Variants in KLB observed in about 807,000 individuals in gnomAD.
The protein encoded by KLB is beta-klotho.
In KLB, 44 loss-of-function variants were observed where a neutral mutation model predicts 88.4. The observed-to-expected ratio is 0.50, with a 90% CI of 0.39 to 0.64. KLB has a LOEUF of 0.64. Ranked by LOEUF, KLB falls within the 30% of genes least tolerant of loss-of-function variation. The pLI is 0.00. For synonymous variants in KLB, 548 were observed against 513.4 expected (o/e 1.07, Z -0.91); for missense variants, 1,137 against 1,304.8 (o/e 0.87, Z 1.98).
rs1743739139 is a variant in KLB at position 39,446,106 on chromosome 4, A to C, written c.1606-226A>C. 1.3e-5 allele frequency among the ~76,000 whole-genome samples: 2 copies of C among 152,210 alleles called. No individual in the cohort carries two copies. Among genetic ancestry groups the C allele is most frequent in the Non-Finnish European group, 2.9e-5 (2 of 68,036 alleles). ...TAACCTAGGGTTTAAAGTTAAATGA[A>C]CTGGAAAATGGCTTCCCAATGTTTT... On this transcript the variant is annotated intron_variant, in intron 3 of 4. Transcript: ENST00000257408. The surrounding 1 kb of genome is among the most constrained non-coding windows in gnomAD (Gnocchi z 6.4).
At chr4:39,444,747 T>A (rs1038132522) in intron 3 of KLB, among the ~76,000 whole-genome samples, 1 of 152,204 alleles carries the variant, frequency 6.6e-6, no homozygotes, top group Non-Finnish European at 1.5e-5. Context: ...AAACTGGCCA[T>A]CTAGGCTAGG....
At position 39,446,586 on chromosome 4, in the gene KLB, G is replaced by A; in HGVS notation, c.1860G>A (p.Leu620=). Residue 620 remains leucine, a synonymous_variant, in exon 4 of 5, where the codon CTG becomes CTA. Coordinates refer to ENST00000257408, the MANE Select transcript of KLB (RefSeq NM_175737.4). The surrounding 1 kb of genome is among the most constrained non-coding windows in gnomAD (Gnocchi z 6.4). ...TGTCCGCGGTGAACCGACAGGCCCT[G>A]AGGTACTACAGGTGCGTGGTCAGTG... ...GNLSAVNRQA[L]RYYRCVVSEG... 7 of 1,614,258 alleles carry A rather than the reference G, an allele frequency of 4.3e-6. No homozygotes were observed. The highest frequency in any genetic ancestry group is 5.9e-6 in the Non-Finnish European group (7 of 1,180,044).
chr4:39,431,478 C>G (rs1345610737), intron 1 of KLB, among the ~76,000 whole-genome samples: 1 of 151,234 alleles, frequency 6.6e-6, no homozygotes, highest in Non-Finnish European at 1.5e-5. Context: ...CTGGAACTCC[C>G]GACCTCAGGT....
rs1743880767 is a variant in KLB at position 39,450,947 on chromosome 4, A to C, written c.*2261A>C. 1 of 151,830 alleles carries C rather than the reference A, an allele frequency of 6.6e-6. No individual in the cohort carries two copies. Among genetic ancestry groups the C allele is most frequent in the African/African-American group, 2.4e-5 (1 of 41,350 alleles). The allele number at this position is 151,830 out of a possible 1,614,324, so 9.4% of individuals were successfully genotyped here. On this transcript the variant is annotated 3_prime_UTR_variant, in exon 5 of 5. Coordinates refer to ENST00000257408, the MANE Select transcript of KLB (RefSeq NM_175737.4). ...TTGCTTTCTCTTTCTCACTTTGTTT[A>C]AAGTATCTCGTACTCACAGTTCACA...
chr4:39,416,535 C>G (rs1284412570), intron 1 of KLB, among the ~76,000 whole-genome samples: 1 of 152,098 alleles, frequency 6.6e-6, no homozygotes, highest in Non-Finnish European at 1.5e-5. Flanking sequence ...AATCCCAACA[C>G]TTTGGGAGGC....
Position 39,448,418 on chromosome 4 carries a change from A to G in KLB, c.2867A>G (p.Gln956Arg), listed in dbSNP as rs769084012. The part of the protein sequence containing the change: ...TSDFKAKSSI[Q>R]FYNKVISSRG... ...GATTTTAAAGCTAAATCCTCAATAC[A>G]ATTTTACAACAAAGTGATCAGCAGC... The change falls in exon 5 of 5, where the codon CAA (glutamine) becomes CGA (arginine). Residue 956 changes from glutamine (Q) to arginine (R), a missense_variant. By Grantham distance (43) the Gln-to-Arg change is conservative (BLOSUM62 1). Coordinates refer to ENST00000257408, the MANE Select transcript of KLB (RefSeq NM_175737.4). The G allele has an allele frequency of 1.2e-6, 2 of 1,614,176 alleles. No homozygotes were observed. The highest frequency in any genetic ancestry group is 1.7e-5 in the Admixed American group (1 of 60,026).
chr4:39,413,808 CTT>C (rs1363046899), intron 1 of KLB, among the ~76,000 whole-genome samples: 1 of 152,056 alleles, frequency 6.6e-6, no homozygotes, highest in Non-Finnish European at 1.5e-5. Flanking sequence ...CATTTCATGA[CTT>C]TAAAAATCTT....
intron 2 of KLB, among the ~76,000 whole-genome samples, 181 bp downstream of exon 2, chr4:39,434,901 G>A (rs1168495121): frequency 2.0e-5 from 3 of 151,912 alleles, no homozygotes; most frequent in Admixed American, 1.3e-4. Flanking sequence ...CCGCCTCCTG[G>A]GTTCAAGTGA....
chr4:39,440,157 C>G (rs1226583509), intron 3 of KLB, among the ~76,000 whole-genome samples: 1 of 148,732 alleles, frequency 6.7e-6, no homozygotes, highest in East Asian at 2.0e-4. Context: ...CTTTTCTTTT[C>G]TTTTTTGAGA....
intron 1 of KLB, among the ~76,000 whole-genome samples, chr4:39,428,201 C>T (rs549030265): frequency 1.5e-3 from 221 of 152,204 alleles, no homozygotes; most frequent in South Asian, 6.6e-3. Flanking sequence ...CCAAGGCAGG[C>T]GGATCACCTG....
chr4:39,425,992 C>G (rs546420598), intron 1 of KLB, among the ~76,000 whole-genome samples: 1 of 151,948 alleles, frequency 6.6e-6, no homozygotes, highest in Non-Finnish European at 1.5e-5. Flanking sequence ...TTGGCTCACA[C>G]CTGTAATCCC....
chr4:39,409,316 A>T (rs1742791027), intron 1 of KLB, among the ~76,000 whole-genome samples: 2 of 148,596 alleles, frequency 1.3e-5, no homozygotes, highest in Non-Finnish European at 1.5e-5. Flanking sequence ...TTTTTGAGAC[A>T]AAGTCTCACT....
rs546978508 is a variant in KLB at position 39,426,070 on chromosome 4, G to C, written c.826-8140G>C. 3.9e-5 allele frequency among the ~76,000 whole-genome samples: 6 copies of C among 152,180 alleles called. No individual in the cohort carries two copies. The East Asian group carries it at 7.7e-4, about 20-fold the overall frequency. ...GATTGAGACCATCCTGGCTAACATG[G>C]TGAAACACCATCTCTAATAAAAATA... is the stretch of plus-strand genomic sequence containing the variant. On this transcript the variant is annotated intron_variant, in intron 1 of 4. Transcript: ENST00000257408.
chr4:39,411,524 ATTTTTTT>A (rs796871369), intron 1 of KLB, among the ~76,000 whole-genome samples: 1 of 109,960 alleles, frequency 9.1e-6, no homozygotes, highest in Non-Finnish European at 2.0e-5. Flanking sequence ...TGGCTTGGCC[ATTTTTTT>A]TTTTTTAAGA....
intron 1 of KLB, among the ~76,000 whole-genome samples, chr4:39,428,542 AT>A (rs1204977206): frequency 6.6e-6 from 1 of 152,202 alleles, no homozygotes; most frequent in Non-Finnish European, 1.5e-5. Context: ...CTATTGAAAC[AT>A]TTATGACAGG....
At position 39,448,808 on chromosome 4, in the gene KLB, T is replaced by G; in HGVS notation, c.*122T>G. ...TGAGATACAGCTGTAACCAAGGTGA[T>G]GACAATTGTCTCTGCTGTGTGGTTC... On this transcript the variant is annotated 3_prime_UTR_variant, in exon 5 of 5. Transcript: ENST00000257408. The G allele has an allele frequency of 1.1e-6, 1 of 939,084 alleles. No homozygotes were observed. The highest frequency in any genetic ancestry group is 1.6e-6 in the Non-Finnish European group (1 of 629,126). 58.2% of individuals were successfully genotyped at this position (939,084 alleles called of 1,614,324 possible).
chr4:39,427,870 A>G (rs1298966058), intron 1 of KLB, among the ~76,000 whole-genome samples: 1 of 152,222 alleles, frequency 6.6e-6, no homozygotes, highest in African/African-American at 2.4e-5. Context: ...AGGGAAAAAC[A>G]GGTCTTTGAC....
In KLB at chr4:39,434,379, A is replaced by C. The variant is rs568055363; in HGVS notation, c.995A>C (p.Asn332Thr). The C allele has an allele frequency of 6.2e-7, 1 of 1,613,942 alleles. No homozygotes were observed. The highest frequency in any genetic ancestry group is 1.1e-5 in the South Asian group (1 of 91,052). The part of the protein sequence containing the change: ...SMVSVLGWFA[N>T]PIHGDGDYPE... The stretch of plus-strand genomic sequence containing the variant: ...GTTTCTGTGCTTGGATGGTTTGCCA[A>C]CCCTATCCATGGGGATGGCGACTAT... The change falls in exon 2 of 5, where the codon AAC becomes ACC. Residue 332 changes from asparagine (N) to threonine (T), a missense_variant. Asn to Thr is a moderately conservative substitution (Grantham distance 65). This residue lies in a region of KLB where 597 missense variants were observed against 765.2 expected (regional missense o/e 0.78). Transcript: ENST00000257408.
At position 39,448,535 on chromosome 4, in the gene KLB, A is replaced by C; in HGVS notation, c.2984A>C (p.Lys995Thr). 1.2e-6 allele frequency: 2 copies of C among 1,614,224 alleles called. No homozygotes were observed. Among genetic ancestry groups the C allele is most frequent in the Non-Finnish European group, 8.5e-7 (1 of 1,180,036 alleles). Residue 995 changes from lysine (K) to threonine (T), a missense_variant, in exon 5 of 5, where the codon AAA becomes ACA. Transcript: ENST00000257408. ...CTVCLFLVQK[K>T]PLIFLGCCFF... is the part of the protein sequence containing the mutation. ...GTCTGCTTATTCCTTGTGCAGAAGA[A>C]ACCACTGATATTCCTGGGTTGTTGC...
Sources: allele counts gnomAD v4.1 joint callset (sites outside exome capture counted in the v4.1 genomes callset), GRCh38; gene constraint gnomAD v4.1.1; regional missense constraint gnomAD v4.1.1; non-coding constraint Gnocchi (gnomAD v3.1); transcripts MANE v1.5; gene names NCBI Gene and HGNC (gene_info 2026-07-23, HGNC 2026-07-21).